The following STK10 variants were observed in gnomAD, a reference collection of about 807,000 sequenced individuals.
STK10 encodes serine/threonine-protein kinase 10.
A neutral mutation model predicts 113.8 loss-of-function variants in STK10; 78 were observed. The ratio of observed to expected loss-of-function variants is 0.69; its 90% CI spans 0.57 to 0.83. The LOEUF (loss-of-function observed/expected upper bound fraction) is 0.83, where lower values mean the gene tolerates loss of function less well. Among genes scored for constraint, STK10 ranks in the 40% least tolerant of loss-of-function variants. STK10 has a pLI of 0.00. For missense variants in STK10, 1,109 were observed against 1,280.1 expected, an observed-to-expected ratio of 0.87 and a Z score of 2.04; for synonymous variants, 465 against 494.7, an observed-to-expected ratio of 0.94 and a Z score of 0.80.
chr5:172,096,563 G>A lies in STK10; in HGVS notation c.871-3C>T. On this transcript the variant is annotated splice_polypyrimidine_tract_variant and splice_region_variant and intron_variant, in intron 7 of 18. Coordinates refer to ENST00000176763, the MANE Select transcript of STK10 (RefSeq NM_005990.4). ...GTGATGCTGCTGACGAAGGGATGCT[G>A]AGGGGGCAAGATGCACCCAGATTAG... 6.2e-7 allele frequency: 1 copy of A among 1,612,682 alleles called. No individual in the cohort carries two copies. The highest frequency in any genetic ancestry group is 1.1e-5 in the South Asian group (1 of 91,078).
chr5:172,109,326 CTT>C (rs199749477), intron 4 of STK10, among the ~76,000 whole-genome samples: 48 of 143,592 alleles, frequency 3.3e-4, no homozygotes, highest in African/African-American at 7.6e-4. Context: ...TAAATGAACA[CTT>C]TTTTTTTTTT....
At chr5:172,179,028 G>A (rs1333674664) in intron 1 of STK10, among the ~76,000 whole-genome samples, 5 of 152,180 alleles carry the variant, frequency 3.3e-5, no homozygotes, top group African/African-American at 1.2e-4. Context: ...GTGAGGAAGC[G>A]CTGGTATGAG....
chr5:172,061,990 T>C (rs994344566), intron 13 of STK10, among the ~76,000 whole-genome samples: 3 of 150,766 alleles, frequency 2.0e-5, no homozygotes, highest in Non-Finnish European at 4.4e-5. Flanking sequence ...TTCTTTTTTT[T>C]TTTTTGAGAG....
At chr5:172,109,549 C>T (rs1183437046) in intron 4 of STK10, among the ~76,000 whole-genome samples, 1 of 152,068 alleles carries the variant, frequency 6.6e-6, no homozygotes, top group Non-Finnish European at 1.5e-5. Flanking sequence ...TCAAGCAATC[C>T]TCCTGCCTTG....
In STK10 at chr5:172,096,554, A is replaced by G; in HGVS notation, c.877T>C (p.Phe293Leu). ...PSAAQLLEHP[F>L]VSSITSNKAL... ...TTGTTACTGGTGATGCTGCTGACGA[A>G]GGGATGCTGAGGGGGCAAGATGCAC... The change falls in exon 8 of 19, where the codon TTC becomes CTC. Residue 293 changes from phenylalanine (F) to leucine (L), a missense_variant. This residue lies in a region of STK10 where 885 missense variants were observed against 991.1 expected (regional missense o/e 0.89). Coordinates refer to ENST00000176763, the MANE Select transcript of STK10 (RefSeq NM_005990.4). 3.7e-6 allele frequency: 6 copies of G among 1,612,996 alleles called. No individual in the cohort carries two copies. Among genetic ancestry groups the G allele is most frequent in the Non-Finnish European group, 5.1e-6 (6 of 1,180,002 alleles).
chr5:172,149,973 G>A (rs1431697132), intron 2 of STK10, among the ~76,000 whole-genome samples: 1 of 150,176 alleles, frequency 6.7e-6, no homozygotes, highest in Non-Finnish European at 1.5e-5. Context: ...CTTGAACCCA[G>A]GAGGCAGAGG....
At chr5:172,110,747 G>A (rs964649148) in intron 4 of STK10, among the ~76,000 whole-genome samples, 1 of 152,150 alleles carries the variant, frequency 6.6e-6, no homozygotes. Context: ...TGTGACACGG[G>A]GGTGATAGCA....
intron 12 of STK10, among the ~76,000 whole-genome samples, chr5:172,068,446 A>T (rs1425569087): frequency 1.3e-5 from 2 of 152,234 alleles, no homozygotes; most frequent in Non-Finnish European, 2.9e-5. Context: ...CTTTGTGGTC[A>T]GGAAGAAAGG....
chr5:172,151,361 T>C (rs1406759443), intron 2 of STK10, among the ~76,000 whole-genome samples: 1 of 151,900 alleles, frequency 6.6e-6, no homozygotes, highest in East Asian at 1.9e-4. Flanking sequence ...TTTTTTTTAA[T>C]TGAGTCAGAG....
chr5:172,158,774 G>T (rs1011523911), intron 1 of STK10, among the ~76,000 whole-genome samples: 1 of 152,200 alleles, frequency 6.6e-6, no homozygotes, highest in Non-Finnish European at 1.5e-5. Context: ...TATGTAAAGT[G>T]AAATAAGCCA....
At chr5:172,155,543 CA>C (rs1445967057) in intron 2 of STK10, among the ~76,000 whole-genome samples, 3 of 148,248 alleles carry the variant, frequency 2.0e-5, no homozygotes, top group African/African-American at 7.4e-5. Context: ...AGAGGACACA[CA>C]AAAAAATCCA....
intron 2 of STK10, among the ~76,000 whole-genome samples, chr5:172,155,049 T>C (rs1425511517): frequency 7.6e-6 from 1 of 132,294 alleles, no homozygotes; most frequent in African/African-American, 2.9e-5. Flanking sequence ...AATGGGTACA[T>C]AGTCAGCAGG....
At chr5:172,178,475 C>T (rs1770796858) in intron 1 of STK10, among the ~76,000 whole-genome samples, 1 of 152,224 alleles carries the variant, frequency 6.6e-6, no homozygotes, top group South Asian at 2.1e-4. Flanking sequence ...TTTCGGTCTC[C>T]TCCCCCATGA....
intron 18 of STK10, chr5:172,045,393 T>C (rs1324844616): frequency 2.1e-6 from 1 of 480,996 alleles, no homozygotes; most frequent in Non-Finnish European, 4.1e-6. Context: ...GAAGCAGAGA[T>C]GTCAGAAGTT....
intron 4 of STK10, among the ~76,000 whole-genome samples, chr5:172,116,279 G>A (rs1403509060): frequency 6.6e-6 from 1 of 151,794 alleles, no homozygotes; most frequent in Non-Finnish European, 1.5e-5. Context: ...TTGGGGTTTC[G>A]CCATGTTGGC....
chr5:172,152,704 G>T (rs562238501), intron 2 of STK10, among the ~76,000 whole-genome samples: 1 of 152,332 alleles, frequency 6.6e-6, no homozygotes, highest in South Asian at 2.1e-4. Flanking sequence ...GGAACAACTT[G>T]GGTGTGTGAA....
At chr5:172,079,133 A>T (rs1450702097) in intron 12 of STK10, among the ~76,000 whole-genome samples, 2 of 152,222 alleles carry the variant, frequency 1.3e-5, no homozygotes, top group Non-Finnish European at 2.9e-5. Flanking sequence ...GATTATTAAA[A>T]TAGCACACTC....
Position 172,082,380 on chromosome 5 carries a change from C to G in STK10, c.1935G>C (p.Glu645Asp). 2 of 1,606,758 alleles carry G rather than the reference C, an allele frequency of 1.2e-6. No individual in the cohort carries two copies. The highest frequency in any genetic ancestry group is 1.7e-4 in the Middle Eastern group (1 of 6,030). The change falls in exon 12 of 19, where the codon GAG (glutamate) becomes GAC (aspartate). Residue 645 changes from glutamate (E) to aspartate (D), a missense_variant. Glu to Asp is a conservative substitution (Grantham distance 45). This residue lies in a region of STK10 where 885 missense variants were observed against 991.1 expected (regional missense o/e 0.89). Coordinates refer to ENST00000176763, the MANE Select transcript of STK10 (RefSeq NM_005990.4). The surrounding 1 kb of genome is among the most constrained non-coding windows in gnomAD (Gnocchi z 4.3). Reference protein sequence around the residue: ...RREEARRIRLEQDRDYTRFQE... With the variant: ...RREEARRIRLDQDRDYTRFQE... ...GGAACCTGGTGTAGTCCCGATCCTG[C>G]TCCAGGCGGATCCGCCTGGCCTCCT...
At position 172,052,939 on chromosome 5, in the gene STK10, G is replaced by A. The variant is rs370523916; in HGVS notation, c.2756C>T (p.Pro919Leu). Residue 919 changes from proline to leucine, a missense_variant, in exon 18 of 19, where the codon CCG (proline) becomes CTG (leucine). Around this residue, in one of 5 missense-constraint regions of STK10, gnomAD observed 885 missense variants for 991.1 expected, o/e 0.89. Transcript: ENST00000176763. Reference sequence around the variant, plus strand: ...CTCGGATAAAGTTACCTTCTTGCGCGGCCGAAGCTTGTCCCGCCATTCCTT... The same window carrying A: ...CTCGGATAAAGTTACCTTCTTGCGCAGCCGAAGCTTGTCCCGCCATTCCTT... ...NLKEWRDKLR[P>L]RKKALEEDLN... 27 of 1,613,934 alleles carry A rather than the reference G, an allele frequency of 1.7e-5. No homozygotes were observed. The highest frequency in any genetic ancestry group is 5.3e-5 in the African/African-American group (4 of 74,934).
Sources: allele counts gnomAD v4.1 joint callset (sites outside exome capture counted in the v4.1 genomes callset), GRCh38; gene constraint gnomAD v4.1.1; regional missense constraint gnomAD v4.1.1; non-coding constraint Gnocchi (gnomAD v3.1); transcripts MANE v1.5; gene names NCBI Gene and HGNC (gene_info 2026-07-23, HGNC 2026-07-21).